The following OSBPL3 variants were observed in gnomAD, a reference collection of about 807,000 sequenced individuals.
The protein encoded by OSBPL3 is oxysterol-binding protein-related protein 3.
In OSBPL3, 65 loss-of-function variants were observed where a neutral mutation model predicts 120.1. That is an observed-to-expected ratio of 0.54 (90% CI 0.44 to 0.67). The LOEUF (loss-of-function observed/expected upper bound fraction) is 0.67. OSBPL3 is among the 30% of genes least tolerant of loss of function. OSBPL3 has a pLI of 0.00. For synonymous variants in OSBPL3, 416 were observed against 402.6 expected (o/e 1.03, Z -0.40); for missense variants, 1,004 against 1,082.1 (o/e 0.93, Z 1.01).
rs531064584 is a variant in OSBPL3, at chr7:24,961,122, T to C, written c.-150+18764A>G. On this transcript the variant is annotated intron_variant, in intron 1 of 22. Coordinates refer to ENST00000313367, the MANE Select transcript of OSBPL3 (RefSeq NM_015550.4). ...AAGGATTAGAATTAACCACTAACAA[T>C]GTAAGCTAAGAATGGCATGAAGGGA... Among the ~76,000 whole-genome samples the C allele has an allele frequency of 1.4e-4, 21 of 152,274 alleles. 1 individual carries two copies. The South Asian group carries it at 2.5e-3, about 18-fold the overall frequency.
chr7:24,938,344 TCA>T lies in OSBPL3; in HGVS notation c.-150+41540_-150+41541del, dbSNP rs1205106308. On this transcript the variant is annotated intron_variant, in intron 1 of 22. Coordinates refer to ENST00000313367, the MANE Select transcript of OSBPL3 (RefSeq NM_015550.4). The surrounding 1 kb of genome is among the most constrained non-coding windows in gnomAD (Gnocchi z 5.8). The stretch of plus-strand genomic sequence containing the variant: ...TCTGCCAGCACCTTGATCGTGGACT[TCA>T]CAGTCTCCAGACTGTAAGCAACCCA... 2.6e-5 allele frequency among the ~76,000 whole-genome samples: 4 copies of T among 152,252 alleles called. No individual in the cohort carries two copies. The highest frequency in any genetic ancestry group is 5.9e-5 in the Non-Finnish European group (4 of 68,042).
intron 15 of OSBPL3, among the ~76,000 whole-genome samples, chr7:24,832,176 C>T (rs1046448213): frequency 9.2e-5 from 13 of 141,466 alleles, no homozygotes; most frequent in Admixed American, 1.5e-4. Context: ...CACTGCATTC[C>T]AGCCTGGGTG....
intron 1 of OSBPL3, among the ~76,000 whole-genome samples, chr7:24,924,176 C>T (rs1014263488): frequency 6.6e-6 from 1 of 151,998 alleles, no homozygotes; most frequent in African/African-American, 2.4e-5. Context: ...AATAATATCA[C>T]CTCTAAAAAG....
rs73276266 is a variant in OSBPL3, at chr7:24,938,284, A to G, written c.-150+41602T>C. ...CACGTGAGGACACAAAGAAGGCATC[A>G]TCTATGATGCAGGCAGCCCTCACCA... On this transcript the variant is annotated intron_variant, in intron 1 of 22. Transcript: ENST00000313367. The surrounding 1 kb of genome is among the most constrained non-coding windows in gnomAD (Gnocchi z 5.8). Among the ~76,000 whole-genome samples the G allele has an allele frequency of 0.012, 1,822 of 152,374 alleles. 27 individuals carry two copies. The highest frequency in any genetic ancestry group is 0.033 in the African/African-American group (1,354 of 41,592).
In OSBPL3 at chr7:24,815,212, A is replaced by T; in HGVS notation, c.2028-9T>A. 1.2e-6 allele frequency: 2 copies of T among 1,610,612 alleles called. No individual in the cohort carries two copies. The highest frequency in any genetic ancestry group is 1.7e-6 in the Non-Finnish European group (2 of 1,178,882). ...CAAAATGATCCCCAAAACTAAAAAG[A>T]AGGAAAAAGTAGAAGTACCAATTTC... On this transcript the variant is annotated splice_polypyrimidine_tract_variant and intron_variant, in intron 18 of 22. Coordinates refer to ENST00000313367, the MANE Select transcript of OSBPL3 (RefSeq NM_015550.4). The surrounding 1 kb of genome is among the most constrained non-coding windows in gnomAD (Gnocchi z 5.1).
At position 24,940,940 on chromosome 7, in the gene OSBPL3, C is replaced by A. The variant is rs1351737381; in HGVS notation, c.-150+38946G>T. Among the ~76,000 whole-genome samples, 1 of 152,032 alleles carries A rather than the reference C, an allele frequency of 6.6e-6. No homozygotes were observed. Among genetic ancestry groups the A allele is most frequent in the Non-Finnish European group, 1.5e-5 (1 of 68,006 alleles). ...GTTCAAGCCATTCTCCTGCCCCAGC[C>A]TCCCAAGTAGCTGGGACTACAGGCT... On this transcript the variant is annotated intron_variant, in intron 1 of 22. Transcript: ENST00000313367. The surrounding 1 kb of genome is among the most constrained non-coding windows in gnomAD (Gnocchi z 4.4).
rs1409992992 is a variant in OSBPL3 at position 24,810,887 on chromosome 7, T to C, written c.2173-936A>G. 2.0e-5 allele frequency among the ~76,000 whole-genome samples: 3 copies of C among 152,392 alleles called. 1 individual carries two copies. The highest frequency in any genetic ancestry group is 6.8e-3 in the Middle Eastern group (2 of 294). ...TTTTTAAAGGCTGAACAATATTCCA[T>C]TGTGTTAATATGTACCACATTTTCT... On this transcript the variant is annotated intron_variant, in intron 19 of 22. Transcript: ENST00000313367.
intron 1 of OSBPL3, among the ~76,000 whole-genome samples, chr7:24,969,797 C>A (rs1023694832): frequency 5.3e-5 from 8 of 152,270 alleles, no homozygotes; most frequent in African/African-American, 1.7e-4. Context: ...GGTCTCATCA[C>A]TTTGTGCCTA....
intron 1 of OSBPL3, among the ~76,000 whole-genome samples, chr7:24,934,725 C>T (rs892084719): frequency 1.3e-5 from 2 of 152,098 alleles, no homozygotes; most frequent in Non-Finnish European, 2.9e-5. Flanking sequence ...AAATATTTCA[C>T]CCTTCAGAAG....
intron 1 of OSBPL3, among the ~76,000 whole-genome samples, chr7:24,979,627 C>A (rs1261499059): frequency 6.6e-6 from 1 of 152,128 alleles, no homozygotes; most frequent in East Asian, 1.9e-4. Context: ...TCCTGGCGGT[C>A]AATCCTCTGA....
At position 24,884,085 on chromosome 7, in the gene OSBPL3, C is replaced by T. The variant is rs1380414599; in HGVS notation, c.96+8292G>A. On this transcript the variant is annotated intron_variant, in intron 2 of 22. Coordinates refer to ENST00000313367, the MANE Select transcript of OSBPL3 (RefSeq NM_015550.4). ...AAAACAAACAAACAAACAACAACAGCAACAACAAAAAAAAACAGCTCCAGG... is the reference window on the plus strand; with the variant it reads ...AAAACAAACAAACAAACAACAACAGTAACAACAAAAAAAAACAGCTCCAGG... 1.4e-3 allele frequency among the ~76,000 whole-genome samples: 160 copies of T among 118,148 alleles called. 1 individual carries two copies. The highest frequency in any genetic ancestry group is 5.7e-3 in the African/African-American group (152 of 26,788). 77.5% of individuals were successfully genotyped at this position (118,148 alleles called of 152,430 possible). A position where few individuals can be genotyped will look rare whatever the true frequency, so the allele number is the denominator to read the frequency against.
chr7:24,856,223 G>A (rs962724720), intron 10 of OSBPL3, among the ~76,000 whole-genome samples: 1 of 152,010 alleles, frequency 6.6e-6, no homozygotes, highest in African/African-American at 2.4e-5. Context: ...GTTTTTGACT[G>A]TAAGAAGTCA....
chr7:24,886,740 A>G (rs1804586381), intron 2 of OSBPL3, among the ~76,000 whole-genome samples: 1 of 152,250 alleles, frequency 6.6e-6, no homozygotes, highest in African/African-American at 2.4e-5. Flanking sequence ...GGCAGTGTTA[A>G]GCATGGTATT....
At chr7:24,935,247 A>G (rs1812270661) in intron 1 of OSBPL3, among the ~76,000 whole-genome samples, 1 of 152,150 alleles carries the variant, frequency 6.6e-6, no homozygotes, top group Non-Finnish European at 1.5e-5. Context: ...CTCAGCACCC[A>G]CCAATGGTAA....
At chr7:24,908,995 G>A (rs1008303512) in intron 1 of OSBPL3, among the ~76,000 whole-genome samples, 3 of 152,164 alleles carry the variant, frequency 2.0e-5, no homozygotes, top group Non-Finnish European at 4.4e-5. Context: ...CAAGCACATG[G>A]TCTACCTTTC....
chr7:24,884,513 T>C (rs923426767), intron 2 of OSBPL3, among the ~76,000 whole-genome samples: 4 of 152,112 alleles, frequency 2.6e-5, no homozygotes, highest in Non-Finnish European at 5.9e-5. Flanking sequence ...GAGAGCAGCC[T>C]AGACACAAGC....
intron 1 of OSBPL3, among the ~76,000 whole-genome samples, chr7:24,902,805 G>C (rs1807259218): frequency 6.6e-6 from 1 of 151,810 alleles, no homozygotes; most frequent in South Asian, 2.1e-4. Context: ...TGTGAACAGA[G>C]CACCTCCCTC....
At chr7:24,800,760 T>C (rs1033197323) in intron 22 of OSBPL3, among the ~76,000 whole-genome samples, 1 of 151,992 alleles carries the variant, frequency 6.6e-6, no homozygotes, top group African/African-American at 2.4e-5. Flanking sequence ...CTGGCCCATT[T>C]TGTTACACGA....
rs370466365 is a variant in OSBPL3 at position 24,854,209 on chromosome 7, T to C, written c.1028-1575A>G. Among the ~76,000 whole-genome samples, 4 of 152,298 alleles carry C rather than the reference T, an allele frequency of 2.6e-5. No homozygotes were observed. The highest frequency in any genetic ancestry group is 9.6e-5 in the African/African-American group (4 of 41,560). ...ATTATCTTTCCAATCTCCTTTATAA[T>C]ATTTTGTTTTAGAAGAGCAGGAAGA... On this transcript the variant is annotated intron_variant, in intron 10 of 22. Transcript: ENST00000313367. The surrounding 1 kb of genome is among the most constrained non-coding windows in gnomAD (Gnocchi z 4.1).
Sources: gnomAD v4.1 joint callset for allele counts (sites outside exome capture counted in the v4.1 genomes callset) on GRCh38, gnomAD v4.1.1 for gene constraint, Gnocchi (gnomAD v3.1) non-coding constraint, MANE v1.5 for transcripts, NCBI Gene and HGNC (gene_info 2026-07-23, HGNC 2026-07-21) for gene names.